The following SMIM41 variants were observed in gnomAD, a reference collection of about 807,000 sequenced individuals.
SMIM41 encodes small integral membrane protein 41.
intron 2 of SMIM41, among the ~76,000 whole-genome samples, chr12:52,105,527 C>T (rs1314445412): frequency 5.9e-5 from 9 of 152,040 alleles, no homozygotes; most frequent in Admixed American, 2.0e-4. Flanking sequence ...CTGAGGCAGG[C>T]GAATCACAAG....
At chr12:52,093,656 T>C (rs1380808570) in intron 2 of SMIM41, 1 of 152,224 alleles carries the variant, frequency 6.6e-6, no homozygotes, top group African/African-American at 2.4e-5. Context: ...TTAATCAAGC[T>C]TATCTTGATA....
chr12:52,107,501 C>T lies in SMIM41; in HGVS notation c.*318C>T, dbSNP rs1300075828. On this transcript the variant is annotated 3_prime_UTR_variant, in exon 3 of 3. Coordinates refer to ENST00000546390, the MANE Select transcript of SMIM41 (RefSeq NM_001369216.1). ...TGAGCCCTGACTCCCACCTCCACACCTCCATGTACTTCTTCCTCTCCAACC... is the reference window on the plus strand; with the variant it reads ...TGAGCCCTGACTCCCACCTCCACACTTCCATGTACTTCTTCCTCTCCAACC... The T allele has an allele frequency of 5.8e-6, 5 of 864,642 alleles. No homozygotes were observed. Among genetic ancestry groups the T allele is most frequent in the South Asian group, 2.6e-5 (2 of 77,452 alleles). 53.6% of individuals were successfully genotyped at this position (864,642 alleles called of 1,614,324 possible). A position where few individuals can be genotyped will look rare whatever the true frequency, so the allele number is the denominator to read the frequency against.
At chr12:52,091,037 G>A (rs1305483393) in intron 2 of SMIM41, among the ~76,000 whole-genome samples, 2 of 152,168 alleles carry the variant, frequency 1.3e-5, no homozygotes, top group Admixed American at 6.5e-5. Context: ...TATGAAAACA[G>A]GGTATCACTC....
At chr12:52,095,408 C>T (rs1164789594) in intron 2 of SMIM41, among the ~76,000 whole-genome samples, 1 of 151,946 alleles carries the variant, frequency 6.6e-6, no homozygotes, top group Non-Finnish European at 1.5e-5. Context: ...AGCGTGTTTA[C>T]GTTATTGTCA....
At chr12:52,082,815 G>A (rs1433702457) in intron 1 of SMIM41, among the ~76,000 whole-genome samples, 16 of 152,292 alleles carry the variant, frequency 1.1e-4, no homozygotes, top group Admixed American at 7.8e-4. Context: ...TCCACATAGT[G>A]CAGCTCCCTC....
intron 2 of SMIM41, among the ~76,000 whole-genome samples, chr12:52,096,336 C>G (rs1940093371): frequency 6.6e-6 from 1 of 151,912 alleles, no homozygotes; most frequent in African/African-American, 2.4e-5. Flanking sequence ...TACTCCACCC[C>G]CTGGATATTA....
chr12:52,103,237 G>A (rs1273940281), intron 2 of SMIM41, among the ~76,000 whole-genome samples: 2 of 151,860 alleles, frequency 1.3e-5, no homozygotes, highest in Non-Finnish European at 2.9e-5. Context: ...TGAGGCACAA[G>A]AATCGCTTGA....
In SMIM41 at chr12:52,098,737, G is replaced by GC. The variant is rs1238376505; in HGVS notation, c.*196-8642_*196-8641insC. ...TTGTATATTAGGAACAATATCACGGGGGGGGGGGTGTACTGCCTCTGCGAT... is the reference window on the plus strand; with the variant it reads ...TTGTATATTAGGAACAATATCACGGGCGGGGGGGGTGTACTGCCTCTGCGAT... On this transcript the variant is annotated intron_variant, in intron 2 of 2. Transcript: ENST00000546390. Among the ~76,000 whole-genome samples, 4 of 137,156 alleles carry GC rather than the reference G, an allele frequency of 2.9e-5. No individual in the cohort carries two copies. The East Asian group carries it at 7.8e-4, about 27-fold the overall frequency. 90.0% of individuals were successfully genotyped at this position (137,156 alleles called of 152,430 possible).
At chr12:52,101,702 T>C (rs1166030842) in intron 2 of SMIM41, among the ~76,000 whole-genome samples, 2 of 152,040 alleles carry the variant, frequency 1.3e-5, no homozygotes, top group Non-Finnish European at 2.9e-5. Context: ...CTTGAAATCA[T>C]GCTGTTTTTT....
intron 2 of SMIM41, among the ~76,000 whole-genome samples, chr12:52,103,411 G>A (rs1450990364): frequency 1.3e-5 from 2 of 150,288 alleles, no homozygotes; most frequent in Admixed American, 1.3e-4. Flanking sequence ...GACACAGGCT[G>A]CAACATGGAT....
intron 2 of SMIM41, among the ~76,000 whole-genome samples, chr12:52,089,243 T>C (rs1939943427): frequency 6.6e-6 from 1 of 152,010 alleles, no homozygotes; most frequent in Non-Finnish European, 1.5e-5. Flanking sequence ...TATTCTCTGA[T>C]AGTTCTGGAG....
At position 52,107,479 on chromosome 12, in the gene SMIM41, GC is replaced by G; in HGVS notation, c.*299del. ...GAACCTGCTCATCATCCGGCCATGA[GC>G]CCTGACTCCCACCTCCACACCTCCA... On this transcript the variant is annotated 3_prime_UTR_variant, in exon 3 of 3. Coordinates refer to ENST00000546390, the MANE Select transcript of SMIM41 (RefSeq NM_001369216.1). 1 of 667,116 alleles carries G rather than the reference GC, an allele frequency of 1.5e-6. No homozygotes were observed. The allele number at this position is 667,116 out of a possible 1,614,324, so 41.3% of individuals were successfully genotyped here.
intron 1 of SMIM41, among the ~76,000 whole-genome samples, chr12:52,080,977 G>T (rs1310451248): frequency 2.0e-5 from 3 of 152,040 alleles, no homozygotes; most frequent in African/African-American, 7.2e-5. Context: ...GCAGCTGGGG[G>T]GCCTCGGGAG....
intron 2 of SMIM41, among the ~76,000 whole-genome samples, chr12:52,091,208 G>A (rs952809268): frequency 2.0e-5 from 3 of 152,098 alleles, no homozygotes; most frequent in African/African-American, 7.2e-5. Flanking sequence ...GTTCCCTGGC[G>A]TTTTTGCTCC....
rs143260307 is a variant in SMIM41, at chr12:52,080,505, C to A, written c.*120+324C>A. On this transcript the variant is annotated intron_variant, in intron 1 of 2. Transcript: ENST00000546390. Reference sequence around the variant, plus strand: ...TGTAACTGTGGGGTGGTTGTGGAGGCAGGAGGATGACAGAGGAGAGAGTCT... The same window carrying A: ...TGTAACTGTGGGGTGGTTGTGGAGGAAGGAGGATGACAGAGGAGAGAGTCT... 2.7e-3 allele frequency among the ~76,000 whole-genome samples: 405 copies of A among 152,302 alleles called. 9 individuals carry two copies. The highest frequency in any genetic ancestry group is 0.026 in the Admixed American group (396 of 15,300).
chr12:52,082,302 G>A, intron 1 of SMIM41, among the ~76,000 whole-genome samples: 1 of 152,154 alleles, frequency 6.6e-6, no homozygotes, highest in Admixed American at 6.5e-5. Context: ...GAAGGGCTGT[G>A]CCCCCAGCAT....
intron 2 of SMIM41, among the ~76,000 whole-genome samples, chr12:52,091,832 C>G (rs532995419): frequency 6.6e-5 from 10 of 152,298 alleles, no homozygotes; most frequent in African/African-American, 2.4e-4. Flanking sequence ...CTGGCGTGAA[C>G]AGAAGATTTA....
At chr12:52,101,470 G>A (rs1166745939) in intron 2 of SMIM41, among the ~76,000 whole-genome samples, 1 of 152,146 alleles carries the variant, frequency 6.6e-6, no homozygotes, top group East Asian at 1.9e-4. Flanking sequence ...GAGTATAAAG[G>A]GGGTTAGCAG....
At chr12:52,080,624 A>G (rs1192177380) in intron 1 of SMIM41, among the ~76,000 whole-genome samples, 1 of 152,128 alleles carries the variant, frequency 6.6e-6, no homozygotes, top group Non-Finnish European at 1.5e-5. Flanking sequence ...TCCTAGGCCC[A>G]ACTCTGCGGG....
Sources: gnomAD v4.1 joint callset for allele counts (sites outside exome capture counted in the v4.1 genomes callset) on GRCh38, gnomAD v4.1.1 for gene constraint, MANE v1.5 for transcripts, NCBI Gene and HGNC (gene_info 2026-07-23, HGNC 2026-07-21) for gene names.